The following OR56A3 variants were observed in gnomAD, a reference collection of about 807,000 sequenced individuals.
OR56A3 encodes the protein olfactory receptor family 56 subfamily A member 3, also known as olfactory receptor 56A3.
In OR56A3, 23 loss-of-function variants were observed where a neutral mutation model predicts 17.5. The observed-to-expected ratio is 1.32, with a 90% CI of 0.95 to 1.87. The LOEUF is 1.87. Among genes scored for constraint, OR56A3 ranks in the 40% most tolerant of loss-of-function variants. The pLI, the probability that OR56A3 is intolerant of heterozygous loss-of-function variation, is 0.00. For missense variants in OR56A3, 366 were observed against 380.1 expected, an observed-to-expected ratio of 0.96 and a Z score of 0.31; for synonymous variants, 175 against 150.6, an observed-to-expected ratio of 1.16 and a Z score of -1.19.
At chr11:6,000,070 C>G in the OR56A3 span, 1 of 152,222 alleles carries the variant, frequency 6.6e-6, no homozygotes, top group Non-Finnish European at 1.5e-5. Context: ...CCTCAGGGAT[C>G]TAGAACTAGA....
chr11:5,999,765 TAA>T, the OR56A3 span: 1 of 152,208 alleles, frequency 6.6e-6, no homozygotes, highest in Non-Finnish European at 1.5e-5. Context: ...TCTGTATGTA[TAA>T]GAGACAGTAA....
chr11:5,945,083 G>A lies in OR56A3; in HGVS notation c.-37+1G>A, dbSNP rs1847860690. The A allele has an allele frequency of 6.6e-6, 1 of 152,200 alleles. No homozygotes were observed. Among genetic ancestry groups the A allele is most frequent in the Non-Finnish European group, 1.5e-5 (1 of 68,046 alleles). The allele number at this position is 152,200 out of a possible 1,614,324, so 9.4% of individuals were successfully genotyped here. On this transcript the variant is annotated splice_donor_variant, in intron 2 of 2. Coordinates refer to ENST00000641160, the MANE Select transcript of OR56A3 (RefSeq NM_001003443.3). LOFTEE classifies it low-confidence loss of function (5UTR_SPLICE). ...AGCCTACCTGAACCTCTTCCAAAAA[G>A]TATGTTTCCATCAGTAGGAAAATAT... is the stretch of plus-strand genomic sequence containing the variant.
At chr11:6,016,853 A>G in the OR56A3 span, 1 of 151,990 alleles carries the variant, frequency 6.6e-6, no homozygotes, top group Non-Finnish European at 1.5e-5. Flanking sequence ...AAAACTTGGA[A>G]CTGAATAATT....
the OR56A3 span, chr11:5,994,807 C>G: frequency 1.3e-6 from 1 of 754,704 alleles, no homozygotes; most frequent in Non-Finnish European, 2.4e-6. Context: ...GGGGTCCCTT[C>G]CTCTCCAGGT....
At chr11:5,965,587 G>A in the OR56A3 span, among the ~76,000 whole-genome samples, 468 of 152,228 alleles carry the variant, frequency 3.1e-3, 3 homozygotes, top group African/African-American at 9.9e-3. Context: ...ATAAGAAGAT[G>A]TGCACACATA....
chr11:6,013,273 G>A, the OR56A3 span, among the ~76,000 whole-genome samples: 740 of 152,330 alleles, frequency 4.9e-3, 6 homozygotes, highest in African/African-American at 0.017. Flanking sequence ...CTGGGCACAG[G>A]CTGGCATTGG....
At chr11:6,017,157 G>A in the OR56A3 span, 1 of 152,140 alleles carries the variant, frequency 6.6e-6, no homozygotes, top group African/African-American at 2.4e-5. Context: ...TGTGATAAAT[G>A]TGACACCATT....
chr11:6,012,731 C>A, the OR56A3 span, among the ~76,000 whole-genome samples: 2 of 152,228 alleles, frequency 1.3e-5, no homozygotes, highest in African/African-American at 4.8e-5. Context: ...CTGCCTCCTG[C>A]CGCCATCCAT....
chr11:5,987,235 G>C, the OR56A3 span, among the ~76,000 whole-genome samples: 7 of 152,108 alleles, frequency 4.6e-5, no homozygotes, highest in Non-Finnish European at 7.4e-5. Flanking sequence ...TAGCCTCTTG[G>C]TATTACTGAC....
At chr11:6,014,237 T>C in the OR56A3 span, among the ~76,000 whole-genome samples, 1 of 152,166 alleles carries the variant, frequency 6.6e-6, no homozygotes, top group African/African-American at 2.4e-5. Context: ...CTAATGACAC[T>C]ATGATATAGT....
chr11:6,021,686 G>A, the OR56A3 span: 1 of 151,408 alleles, frequency 6.6e-6, no homozygotes, highest in Admixed American at 6.6e-5. Flanking sequence ...TAGGATAATG[G>A]GAACATTAAT....
chr11:5,980,050 G>A, the OR56A3 span, among the ~76,000 whole-genome samples: 1 of 152,064 alleles, frequency 6.6e-6, no homozygotes, highest in Non-Finnish European at 1.5e-5. Context: ...ATCTGAGAAT[G>A]TAGCTGGTAT....
chr11:5,962,817 C>T, the OR56A3 span, among the ~76,000 whole-genome samples: 271 of 152,200 alleles, frequency 1.8e-3, no homozygotes, highest in African/African-American at 5.9e-3. Context: ...GGATTACAGG[C>T]GTGAGCCACC....
chr11:5,955,303 A>G (rs113999346), downstream of OR56A3, among the ~76,000 whole-genome samples: 2 of 152,326 alleles, frequency 1.3e-5, no homozygotes, highest in African/African-American at 4.8e-5. Context: ...TGATTTTCCA[A>G]GACAAACTTC....
chr11:5,945,823 G>C (rs1034541569), intron 2 of OR56A3, among the ~76,000 whole-genome samples: 1 of 152,120 alleles, frequency 6.6e-6, no homozygotes, highest in Non-Finnish European at 1.5e-5. Context: ...CCAGCAAGTA[G>C]AAAGAATTAC....
the OR56A3 span, among the ~76,000 whole-genome samples, chr11:5,975,837 G>T: frequency 1.3e-5 from 2 of 151,948 alleles, no homozygotes; most frequent in Non-Finnish European, 2.9e-5. Context: ...GTGTAAAAGT[G>T]TTCCTATTTC....
At chr11:5,993,901 G>A in the OR56A3 span, 2 of 508,910 alleles carry the variant, frequency 3.9e-6, no homozygotes, top group South Asian at 1.6e-5. Flanking sequence ...TGGTGTCATT[G>A]GTCTCAGACA....
the OR56A3 span, chr11:6,003,251 T>C: frequency 2.6e-5 from 18 of 699,356 alleles, no homozygotes; most frequent in Non-Finnish European, 2.3e-6. Context: ...GTAATTAATA[T>C]TGTTATCCTA....
the OR56A3 span, chr11:5,986,902 A>G: frequency 6.2e-7 from 1 of 1,613,042 alleles, no homozygotes; most frequent in Non-Finnish European, 8.5e-7. Context: ...TGGCTTGGAG[A>G]GGAAAGAGAA....
Sources: allele counts gnomAD v4.1 joint callset (sites outside exome capture counted in the v4.1 genomes callset), GRCh38; gene constraint gnomAD v4.1.1; transcripts MANE v1.5; gene names NCBI Gene and HGNC (gene_info 2026-07-23, HGNC 2026-07-21).